SIRT1: variants seen among roughly 807,000 people sequenced by gnomAD.
The protein encoded by SIRT1 is NAD-dependent protein deacetylase sirtuin-1.
SIRT1 carries 24 observed loss-of-function variants against 67.9 expected under a neutral mutation model. That is an observed-to-expected ratio of 0.35 (90% CI 0.26 to 0.50). SIRT1 has a LOEUF of 0.50. SIRT1 is among the 20% of genes least tolerant of loss of function. SIRT1 has a pLI of 0.98. For synonymous variants in SIRT1, 378 were observed against 350.7 expected, an observed-to-expected ratio of 1.08 and a Z score of -0.87; for missense variants, 873 against 937.2, an observed-to-expected ratio of 0.93 and a Z score of 0.89.
intron 4 of SIRT1, among the ~76,000 whole-genome samples, chr10:67,892,642 C>G (rs1842592007): frequency 6.6e-6 from 1 of 151,876 alleles, no homozygotes; most frequent in Non-Finnish European, 1.5e-5. Context: ...TCCTTTGTCC[C>G]CCAGGCTGGA....
rs1387186143 is a variant in SIRT1 at position 67,891,551 on chromosome 10, A to G, written c.939A>G (p.Ala313=). The G allele has an allele frequency of 1.2e-6, 2 of 1,613,846 alleles. No individual in the cohort carries two copies. The highest frequency in any genetic ancestry group is 1.7e-6 in the Non-Finnish European group (2 of 1,179,928). The change falls in exon 4 of 9, where the codon GCA becomes GCG. Residue 313 remains alanine (A), a synonymous_variant. Transcript: ENST00000212015. ...RKDPRPFFKF[A]KEIYPGQFQP... ...ATCCAAGACCATTCTTCAAGTTTGC[A>G]AAGGTACTATGAACTCTTCTGGTTG...
Position 67,903,589 on chromosome 10 carries a change from A to G in SIRT1, c.943-3201A>G, listed in dbSNP as rs1589078661. ...TTTTTAGTAGAGACGGGGTTTCACC[A>G]TCTTAGCCAGGATGGTCTCGATCTT... On this transcript the variant is annotated intron_variant, in intron 4 of 8. Transcript: ENST00000212015. 1.3e-5 allele frequency among the ~76,000 whole-genome samples: 2 copies of G among 152,000 alleles called. 1 individual carries two copies. The highest frequency in any genetic ancestry group is 3.9e-4 in the East Asian group (2 of 5,180).
Position 67,887,092 on chromosome 10 carries a change from G to A in SIRT1, c.431-325G>A, listed in dbSNP as rs536022109. Among the ~76,000 whole-genome samples the A allele has an allele frequency of 2.0e-5, 3 of 151,368 alleles. No homozygotes were observed. In the East Asian group the frequency reaches 5.8e-4, roughly 29 times the overall value. ...TCTCCATGTTGGTCAGGCTGGTCTC[G>A]AATTCTCAACCTCAGGTGATCCGCC... is the stretch of plus-strand genomic sequence containing the variant. On this transcript the variant is annotated intron_variant, in intron 1 of 8. Coordinates refer to ENST00000212015, the MANE Select transcript of SIRT1 (RefSeq NM_012238.5).
chr10:67,888,134 A>G (rs1319740098), intron 2 of SIRT1, among the ~76,000 whole-genome samples: 2 of 152,188 alleles, frequency 1.3e-5, no homozygotes, highest in African/African-American at 4.8e-5. Context: ...ATAAATATTT[A>G]ATAAATATGT....
At chr10:67,904,342 G>T (rs1842789538) in intron 4 of SIRT1, among the ~76,000 whole-genome samples, 1 of 150,058 alleles carries the variant, frequency 6.7e-6, no homozygotes, top group South Asian at 2.2e-4. Context: ...TCTCCATGTT[G>T]CCCAGGCTGG....
At chr10:67,885,189 T>C in intron 1 of SIRT1, 38 bp downstream of exon 1, 1 of 1,307,366 alleles carries the variant, frequency 7.6e-7, no homozygotes. Flanking sequence ...GCGCATCTCC[T>C]CCTCCCTCTC....
In SIRT1 at chr10:67,912,658, T is replaced by C. The variant is rs752685946; in HGVS notation, c.1542T>C (p.Pro514=). The C allele has an allele frequency of 6.2e-7, 1 of 1,614,008 alleles. No individual in the cohort carries two copies. The highest frequency in any genetic ancestry group is 1.3e-5 in the African/African-American group (1 of 74,908). ...AGCTTTCAGAAATTACTGAAAAACCTCCACGAACACAAAAAGAATTGGCTT... is the reference window on the plus strand; with the variant it reads ...AGCTTTCAGAAATTACTGAAAAACCCCCACGAACACAAAAAGAATTGGCTT... ...PVKLSEITEK[P]PRTQKELAYL... is the part of the protein sequence containing the mutation. Residue 514 remains proline, a synonymous_variant, in exon 8 of 9, where the codon CCT becomes CCC. Coordinates refer to ENST00000212015, the MANE Select transcript of SIRT1 (RefSeq NM_012238.5).
At chr10:67,916,117 C>A in intron 8 of SIRT1, 148 bp from the exon 9 acceptor site, 1 of 678,798 alleles carries the variant, frequency 1.5e-6, no homozygotes, top group Non-Finnish European at 2.3e-6. Context: ...GCACACCATG[C>A]CTCCCAGTTG....
chr10:67,903,308 G>T (rs1842770933), intron 4 of SIRT1, among the ~76,000 whole-genome samples: 1 of 151,582 alleles, frequency 6.6e-6, no homozygotes, highest in Non-Finnish European at 1.5e-5. Context: ...TTACTCTAGG[G>T]TCTTTTATTC....
At chr10:67,892,985 A>G (rs557876954) in intron 4 of SIRT1, among the ~76,000 whole-genome samples, 5 of 152,366 alleles carry the variant, frequency 3.3e-5, no homozygotes, top group Admixed American at 1.3e-4. Flanking sequence ...GCTCTGCTTT[A>G]GCATAGAAAG....
chr10:67,891,621 GCCA>G, intron 4 of SIRT1, 67 bp downstream of exon 4: 1 of 1,502,256 alleles, frequency 6.7e-7, no homozygotes, highest in Non-Finnish European at 9.2e-7. Context: ...TTCACATACA[GCCA>G]CCTTAAGGTT....
rs186308040 is a variant in SIRT1, at chr10:67,913,861, T to C, written c.1915+830T>C. Reference sequence around the variant, plus strand: ...GTATTTGAGTATTCCAGTCATTTGCTGTAAATACATTTTAGTTCAGTTGAA... The same window carrying C: ...GTATTTGAGTATTCCAGTCATTTGCCGTAAATACATTTTAGTTCAGTTGAA... On this transcript the variant is annotated intron_variant, in intron 8 of 8. Coordinates refer to ENST00000212015, the MANE Select transcript of SIRT1 (RefSeq NM_012238.5). Among the ~76,000 whole-genome samples, 725 of 152,322 alleles carry C rather than the reference T, an allele frequency of 4.8e-3. 2 individuals are homozygous for C. Among genetic ancestry groups the C allele is most frequent in the Non-Finnish European group, 7.3e-3 (494 of 68,030 alleles).
chr10:67,886,394 G>A (rs570603351), intron 1 of SIRT1, among the ~76,000 whole-genome samples: 1 of 151,740 alleles, frequency 6.6e-6, no homozygotes, highest in Admixed American at 6.6e-5. Flanking sequence ...GGAGTTTCAG[G>A]CCAGCCTGGG....
intron 4 of SIRT1, among the ~76,000 whole-genome samples, chr10:67,897,815 C>T (rs1842681324): frequency 6.6e-6 from 1 of 151,946 alleles, no homozygotes; most frequent in Non-Finnish European, 1.5e-5. Flanking sequence ...TGTTCTTATC[C>T]TGCATAATGA....
intron 8 of SIRT1, among the ~76,000 whole-genome samples, chr10:67,914,941 A>G (rs1165612874): frequency 2.7e-5 from 4 of 147,670 alleles, no homozygotes; most frequent in Non-Finnish European, 5.9e-5. Flanking sequence ...GCCCAGGCTG[A>G]TACCAAACTC....
chr10:67,916,165 TA>T, intron 8 of SIRT1, 99 bp from the exon 9 acceptor site: 1 of 1,053,608 alleles, frequency 9.5e-7, no homozygotes, highest in South Asian at 1.7e-5. Flanking sequence ...TAAGGACACT[TA>T]TAATAAAGGC....
In SIRT1 at chr10:67,918,237, T is replaced by TA. The variant is rs2029986692; in HGVS notation, c.*1645dup. 1 of 152,682 alleles carries TA rather than the reference T, an allele frequency of 6.5e-6. No individual in the cohort carries two copies. The allele number at this position is 152,682 out of a possible 1,614,324, so 9.5% of individuals were successfully genotyped here. On this transcript the variant is annotated 3_prime_UTR_variant, in exon 9 of 9. Transcript: ENST00000212015. Reference sequence around the variant, plus strand: ...TTTTCAGCTCTTTTTATATTGTACATAGTCTTTTATGTAATTTACTGGCAT... The same window carrying TA: ...TTTTCAGCTCTTTTTATATTGTACATAAGTCTTTTATGTAATTTACTGGCAT...
rs557279995 is a variant in SIRT1, at chr10:67,902,719, CTATA to C, written c.943-4066_943-4063del. On this transcript the variant is annotated intron_variant, in intron 4 of 8. Coordinates refer to ENST00000212015, the MANE Select transcript of SIRT1 (RefSeq NM_012238.5). Reference sequence around the variant, plus strand: ...CTCTACTTAACTGCCTCCATCTGAACTATATATAGGAGGGGGTGGATATCAGCAA... The same window carrying C: ...CTCTACTTAACTGCCTCCATCTGAACTATAGGAGGGGGTGGATATCAGCAA... 2.6e-5 allele frequency among the ~76,000 whole-genome samples: 4 copies of C among 152,246 alleles called. No homozygotes were observed. In the South Asian group the frequency reaches 8.3e-4, roughly 32 times the overall value.
intron 4 of SIRT1, among the ~76,000 whole-genome samples, chr10:67,899,935 T>G (rs528384899): frequency 8.6e-5 from 13 of 151,870 alleles, no homozygotes; most frequent in Non-Finnish European, 1.9e-4. Context: ...ATACAAAAAA[T>G]TAGCCGGCCG....
Sources: allele counts gnomAD v4.1 joint callset (sites outside exome capture counted in the v4.1 genomes callset), GRCh38; gene constraint gnomAD v4.1.1; transcripts MANE v1.5; gene names NCBI Gene and HGNC (gene_info 2026-07-23, HGNC 2026-07-21).